The following C1orf185 variants were observed in gnomAD, a reference collection of about 807,000 sequenced individuals.
The protein encoded by C1orf185 is uncharacterized protein C1orf185.
C1orf185 carries 13 observed loss-of-function variants against 16.1 expected under a neutral mutation model. The ratio of observed to expected loss-of-function variants is 0.81; its 90% CI spans 0.53 to 1.28. The LOEUF is 1.28. Ranked by LOEUF, C1orf185 falls within the 50% of genes most tolerant of loss-of-function variation. The pLI, the probability that C1orf185 is intolerant of heterozygous loss-of-function variation, is 0.00. For synonymous variants in C1orf185, 80 were observed against 76.9 expected (o/e 1.04, Z -0.21); for missense variants, 220 against 225.2 (o/e 0.98, Z 0.15).
intron 3 of C1orf185, among the ~76,000 whole-genome samples, chr1:51,136,949 A>G (rs940635359): frequency 4.6e-5 from 7 of 152,288 alleles, no homozygotes; most frequent in Admixed American, 4.6e-4. Context: ...AGCAAAAGAA[A>G]TTATCAACAG....
intron 3 of C1orf185, among the ~76,000 whole-genome samples, chr1:51,125,946 T>G (rs1646236851): frequency 6.6e-6 from 1 of 152,064 alleles, no homozygotes; most frequent in Non-Finnish European, 1.5e-5. Flanking sequence ...TTGCTTGAGC[T>G]CAGGAGTTCA....
intron 2 of C1orf185, among the ~76,000 whole-genome samples, chr1:51,114,749 C>T (rs1211455272): frequency 6.6e-6 from 1 of 152,080 alleles, no homozygotes; most frequent in East Asian, 1.9e-4. Context: ...TAAAGACTAT[C>T]CTATAGCTGA....
downstream of C1orf185, among the ~76,000 whole-genome samples, chr1:51,149,249 C>T (rs1557655534): frequency 6.6e-6 from 1 of 152,162 alleles, no homozygotes; most frequent in South Asian, 2.1e-4. Context: ...ATACTAAGAC[C>T]TATTCATACC....
rs372453707 is a variant in C1orf185 at position 51,128,212 on chromosome 1, A to G, written c.258+9411A>G. ...CCTGTATTTTCATTTTTCATGGGAAAGTACCTGAACCTGGAATTGTCAAGG... is the reference window on the plus strand; with the variant it reads ...CCTGTATTTTCATTTTTCATGGGAAGGTACCTGAACCTGGAATTGTCAAGG... On this transcript the variant is annotated intron_variant, in intron 3 of 4. Transcript: ENST00000371759. Among the ~76,000 whole-genome samples the G allele has an allele frequency of 3.6e-3, 544 of 152,180 alleles. 1 individual carries two copies. Among genetic ancestry groups the G allele is most frequent in the Non-Finnish European group, 4.4e-3 (300 of 67,990 alleles).
At chr1:51,138,677 C>G (rs1570318411) in intron 3 of C1orf185, among the ~76,000 whole-genome samples, 2 of 149,984 alleles carry the variant, frequency 1.3e-5, no homozygotes, top group Admixed American at 6.7e-5. Context: ...CAGGCGTGAG[C>G]CACCGTGCTG....
chr1:51,151,866 T>A (rs2148037185), downstream of C1orf185, among the ~76,000 whole-genome samples: 1 of 152,126 alleles, frequency 6.6e-6, no homozygotes, highest in African/African-American at 2.4e-5. Flanking sequence ...TTTTTTTGTA[T>A]TTTTAGTAGA....
rs367808687 is a variant in C1orf185, at chr1:51,103,410, AACACAC to A, written c.16+1195_16+1200del. ...AACAGAGTGAGATCTTGTCTCGAAA[AACACAC>A]ACACACACACACACACACACACACA... is the stretch of plus-strand genomic sequence containing the variant. On this transcript the variant is annotated intron_variant, in intron 1 of 4. Coordinates refer to ENST00000371759, the MANE Select transcript of C1orf185 (RefSeq NM_001136508.2). Among the ~76,000 whole-genome samples the A allele has an allele frequency of 1.4e-3, 186 of 128,922 alleles. 1 individual carries two copies. The highest frequency in any genetic ancestry group is 5.5e-3 in the South Asian group (21 of 3,808). 84.6% of individuals were successfully genotyped at this position (128,922 alleles called of 152,430 possible).
intron 3 of C1orf185, among the ~76,000 whole-genome samples, chr1:51,123,977 T>G (rs568839096): frequency 3.3e-4 from 50 of 151,408 alleles, no homozygotes; most frequent in African/African-American, 1.2e-3. Context: ...ATTATATATA[T>G]ATATAGAGAG....
At chr1:51,126,022 C>T (rs1049805022) in intron 3 of C1orf185, among the ~76,000 whole-genome samples, 10 of 152,010 alleles carry the variant, frequency 6.6e-5, no homozygotes, top group Admixed American at 5.9e-4. Context: ...AGGGAACCCC[C>T]TCACTTCTTA....
chr1:51,151,282 G>T (rs1646428335), downstream of C1orf185, among the ~76,000 whole-genome samples: 1 of 152,156 alleles, frequency 6.6e-6, no homozygotes, highest in Non-Finnish European at 1.5e-5. Context: ...ACCAGTCAAG[G>T]TTCAGTGAGG....
chr1:51,147,463 A>G lies in C1orf185; in HGVS notation c.296-4A>G. ...TAATATTCATAGTAAATCTGTTTTT[A>G]CAGCAATTAAAGATCATTCTAAAGA... On this transcript the variant is annotated splice_polypyrimidine_tract_variant and splice_region_variant and intron_variant, in intron 4 of 4. Coordinates refer to ENST00000371759, the MANE Select transcript of C1orf185 (RefSeq NM_001136508.2). 6.6e-7 allele frequency: 1 copy of G among 1,510,420 alleles called. No individual in the cohort carries two copies. The highest frequency in any genetic ancestry group is 1.4e-5 in the African/African-American group (1 of 71,314). The allele number at this position is 1,510,420 out of a possible 1,614,324, so 93.6% of individuals were successfully genotyped here. A position where few individuals can be genotyped will look rare whatever the true frequency, so the allele number is the denominator to read the frequency against.
At chr1:51,115,098 A>G (rs759644675) in intron 2 of C1orf185, among the ~76,000 whole-genome samples, 4 of 151,994 alleles carry the variant, frequency 2.6e-5, no homozygotes, top group Non-Finnish European at 5.9e-5. Context: ...TAATCCCAAC[A>G]CTTTGGGAGG....
intron 1 of C1orf185, among the ~76,000 whole-genome samples, chr1:51,104,710 T>C (rs955478469): frequency 1.3e-5 from 2 of 152,238 alleles, no homozygotes; most frequent in Non-Finnish European, 1.5e-5. Context: ...TATTTTCATA[T>C]GGAAAAGTCA....
In C1orf185 at chr1:51,147,861, T is replaced by A. The variant is rs1290069283; in HGVS notation, c.*90T>A. ...AACCTTCAACATAATACTGAATGACTTTTTTCTTTTGAAACCTTGTATACA... is the reference window on the plus strand; with the variant it reads ...AACCTTCAACATAATACTGAATGACATTTTTCTTTTGAAACCTTGTATACA... On this transcript the variant is annotated 3_prime_UTR_variant, in exon 5 of 5. Transcript: ENST00000371759. 1 of 1,204,574 alleles carries A rather than the reference T, an allele frequency of 8.3e-7. No homozygotes were observed. Among genetic ancestry groups the A allele is most frequent in the Non-Finnish European group, 1.1e-6 (1 of 896,650 alleles). 74.6% of individuals were successfully genotyped at this position (1,204,574 alleles called of 1,614,324 possible). A position where few individuals can be genotyped will look rare whatever the true frequency, so the allele number is the denominator to read the frequency against.
chr1:51,105,218 C>T (rs1313935676), intron 1 of C1orf185, among the ~76,000 whole-genome samples: 3 of 152,008 alleles, frequency 2.0e-5, no homozygotes, highest in Non-Finnish European at 4.4e-5. Flanking sequence ...CTGCCTGCCT[C>T]GGCCTCCCAA....
chr1:51,146,608 T>C (rs888732354), intron 4 of C1orf185, among the ~76,000 whole-genome samples: 1 of 152,132 alleles, frequency 6.6e-6, no homozygotes, highest in Non-Finnish European at 1.5e-5. Flanking sequence ...TAATGGCAAA[T>C]GTGCAGCCTA....
intron 3 of C1orf185, among the ~76,000 whole-genome samples, chr1:51,139,634 G>A (rs1369806625): frequency 6.6e-6 from 1 of 152,118 alleles, no homozygotes; most frequent in African/African-American, 2.4e-5. Context: ...AGTGTTGTGT[G>A]ACAAGGATAA....
chr1:51,118,683 C>T lies in C1orf185; in HGVS notation c.140C>T (p.Ser47Phe). The change falls in exon 3 of 5, where the codon TCC becomes TTC. Residue 47 changes from serine (S) to phenylalanine (F), a missense_variant. Transcript: ENST00000371759. ...ICKRREIFQN[S>F]KFKAIDERCR... Reference sequence around the variant, plus strand: ...TTTTTCAGAGAAATATTTCAAAATTCCAAATTTAAAGCAATTGATGAGAGA... The same window carrying T: ...TTTTTCAGAGAAATATTTCAAAATTTCAAATTTAAAGCAATTGATGAGAGA... 2 of 1,408,598 alleles carry T rather than the reference C, an allele frequency of 1.4e-6. No homozygotes were observed. Among genetic ancestry groups the T allele is most frequent in the South Asian group, 1.7e-5 (1 of 60,570 alleles). 87.3% of individuals were successfully genotyped at this position (1,408,598 alleles called of 1,614,324 possible).
chr1:51,133,266 C>G lies in C1orf185; in HGVS notation c.259-12458C>G, dbSNP rs1646298668. On this transcript the variant is annotated intron_variant, in intron 3 of 4. Coordinates refer to ENST00000371759, the MANE Select transcript of C1orf185 (RefSeq NM_001136508.2). ...CTTAATTAGAAGACACAGTAGCAAG[C>G]TGGAAAAAGAAGCAAGACCCATTGA... Among the ~76,000 whole-genome samples, 5 of 152,038 alleles carry G rather than the reference C, an allele frequency of 3.3e-5. No individual in the cohort carries two copies. In the South Asian group the frequency reaches 1.0e-3, roughly 32 times the overall value.
Sources: gnomAD v4.1 joint callset for allele counts (sites outside exome capture counted in the v4.1 genomes callset) on GRCh38, gnomAD v4.1.1 for gene constraint, MANE v1.5 for transcripts, NCBI Gene and HGNC (gene_info 2026-07-23, HGNC 2026-07-21) for gene names.